Variants in SPRYD3 observed in about 807,000 individuals in gnomAD.
The protein encoded by SPRYD3 is SPRY domain containing 3.
A neutral mutation model predicts 50.1 loss-of-function variants in SPRYD3; 17 were observed. The observed-to-expected ratio is 0.34, with a 90% CI of 0.23 to 0.51. The LOEUF (loss-of-function observed/expected upper bound fraction) is 0.51, where lower values mean the gene tolerates loss of function less well. Among genes scored for constraint, SPRYD3 ranks in the 20% least tolerant of loss-of-function variants. SPRYD3 has a pLI of 0.97. For missense variants in SPRYD3, 401 were observed against 591.2 expected (o/e 0.68, Z 3.34); for synonymous variants, 198 against 215.5 (o/e 0.92, Z 0.71).
chr12:53,068,324 T>G lies in SPRYD3; in HGVS notation c.694-20A>C. 1 of 1,612,918 alleles carries G rather than the reference T, an allele frequency of 6.2e-7. No individual in the cohort carries two copies. Among genetic ancestry groups the G allele is most frequent in the Non-Finnish European group, 8.5e-7 (1 of 1,179,814 alleles). On this transcript the variant is annotated intron_variant, in intron 6 of 10. Transcript: ENST00000301463. ...CAGCAGCTGTGGGGGAAGAGCCAGA[T>G]GGGGGTCAGGGGACAGGCTGACACC...
chr12:53,079,035 G>A (rs1291339607), intron 1 of SPRYD3, among the ~76,000 whole-genome samples: 4 of 152,314 alleles, frequency 2.6e-5, no homozygotes, highest in East Asian at 3.9e-4. Context: ...TGGCACCGGC[G>A]AGTGGCGGCC....
At chr12:53,070,209 G>A (rs535167140) in intron 6 of SPRYD3, among the ~76,000 whole-genome samples, 8 of 152,184 alleles carry the variant, frequency 5.3e-5, no homozygotes, top group South Asian at 4.1e-4. Context: ...CTTGTACAGC[G>A]TGCCCTCTTC....
chr12:53,072,854 C>A (rs1944559095), intron 6 of SPRYD3, among the ~76,000 whole-genome samples: 1 of 152,172 alleles, frequency 6.6e-6, no homozygotes, highest in Non-Finnish European at 1.5e-5. Context: ...AAAAAGATGG[C>A]TAAGAACCTT....
At chr12:53,068,583 G>A (rs912174610) in intron 6 of SPRYD3, among the ~76,000 whole-genome samples, 5 of 152,194 alleles carry the variant, frequency 3.3e-5, no homozygotes, top group Non-Finnish European at 1.5e-5. Flanking sequence ...ACAGCTAGGG[G>A]AGCGGCACAC....
Position 53,065,733 on chromosome 12 carries a change from G to A in SPRYD3, c.*99C>T. On this transcript the variant is annotated 3_prime_UTR_variant, in exon 11 of 11. Transcript: ENST00000301463. ...GGGCAGAGTGACTACACACCTCCAG[G>A]GGCCTGCTGGGTAAACGAAGCCTCT... 1 of 1,297,936 alleles carries A rather than the reference G, an allele frequency of 7.7e-7. No individual in the cohort carries two copies. Among genetic ancestry groups the A allele is most frequent in the Non-Finnish European group, 1.1e-6 (1 of 924,490 alleles). The allele number at this position is 1,297,936 out of a possible 1,614,324, so 80.4% of individuals were successfully genotyped here.
chr12:53,073,993 C>T (rs1010366167), intron 5 of SPRYD3, among the ~76,000 whole-genome samples: 1 of 151,662 alleles, frequency 6.6e-6, no homozygotes, highest in African/African-American at 2.4e-5. Flanking sequence ...AGAAGACAAA[C>T]ACAAGTCTCC....
chr12:53,066,783 C>A (rs953895110), intron 8 of SPRYD3, 91 bp from the exon 9 acceptor site: 1 of 1,462,920 alleles, frequency 6.8e-7, no homozygotes, highest in Non-Finnish European at 9.2e-7. Context: ...CACTTCCCAC[C>A]CCTCAGAGGA....
chr12:53,067,643 T>C lies in SPRYD3; in HGVS notation c.901+5A>G. 2 of 1,613,872 alleles carry C rather than the reference T, an allele frequency of 1.2e-6. No individual in the cohort carries two copies. The highest frequency in any genetic ancestry group is 1.7e-6 in the Non-Finnish European group (2 of 1,179,758). ...CCCACCTTTCCCAGGCAGCCCGCTA[T>C]TCACCTGCATGATAAGCCACAGACC... is the stretch of plus-strand genomic sequence containing the variant. On this transcript the variant is annotated splice_donor_5th_base_variant and intron_variant, in intron 8 of 10. Transcript: ENST00000301463.
In SPRYD3 at chr12:53,068,312, G is replaced by A; in HGVS notation, c.694-8C>T. ...CCCTAAGTACTCCAGCAGCTGTGGG[G>A]GAAGAGCCAGATGGGGGTCAGGGGA... On this transcript the variant is annotated splice_polypyrimidine_tract_variant and splice_region_variant and intron_variant, in intron 6 of 10. Transcript: ENST00000301463. The A allele has an allele frequency of 6.2e-7, 1 of 1,613,510 alleles. No homozygotes were observed.
At chr12:53,066,733 G>A (rs772386445) in intron 8 of SPRYD3, 41 bp from the exon 9 acceptor site, 7 of 1,569,384 alleles carry the variant, frequency 4.5e-6, no homozygotes, top group Admixed American at 1.8e-5. Flanking sequence ...TGAGGAAGGA[G>A]GGCTGACACC....
chr12:53,077,369 C>T, intron 1 of SPRYD3, 108 bp from the exon 2 acceptor site: 3 of 1,160,138 alleles, frequency 2.6e-6, no homozygotes, highest in Non-Finnish European at 3.7e-6. Flanking sequence ...GCCAGCTGCC[C>T]AGATTGACCT....
At position 53,077,197 on chromosome 12, in the gene SPRYD3, G is replaced by A. The variant is rs370737765; in HGVS notation, c.88C>T (p.Arg30Trp). 12 of 1,614,042 alleles carry A rather than the reference G, an allele frequency of 7.4e-6. No homozygotes were observed. Among genetic ancestry groups the A allele is most frequent in the Admixed American group, 1.7e-5 (1 of 60,006 alleles). ...CGGACCTCTCGAATCTCCCGGATCC[G>A]CCGGCGCCAATTCAGAAACCGGTAG... ...LHYRFLNWRR[R>W]IREIREVRAF... Residue 30 changes from arginine to tryptophan, a missense_variant, in exon 2 of 11, where the codon CGG becomes TGG. Physicochemically the swap from Arg to Trp is moderately radical, Grantham distance 101 (BLOSUM62 -3). Coordinates refer to ENST00000301463, the MANE Select transcript of SPRYD3 (RefSeq NM_032840.3).
Position 53,073,298 on chromosome 12 carries a change from T to C in SPRYD3, c.681A>G (p.Arg227=). 1.3e-6 allele frequency: 1 copy of C among 763,970 alleles called. No individual in the cohort carries two copies. Among genetic ancestry groups the C allele is most frequent in the South Asian group, 1.4e-5 (1 of 70,604 alleles). 47.3% of individuals were successfully genotyped at this position (763,970 alleles called of 1,614,324 possible). The part of the protein sequence containing the change: ...EDEWGRLHDV[R]VCGTLLEYLG... Reference sequence around the variant, plus strand: ...ACCCGCTACTTACAGTCCCACAGACTCTGACATCATGTAGCCGGCCCCATT... The same window carrying C: ...ACCCGCTACTTACAGTCCCACAGACCCTGACATCATGTAGCCGGCCCCATT... Residue 227 remains arginine, a synonymous_variant, in exon 6 of 11, where the codon AGA becomes AGG. Transcript: ENST00000301463.
chr12:53,066,362 T>TTCCTCTTCCTCTTCC lies in SPRYD3; in HGVS notation c.1131_1145dup (p.Glu379_Glu383dup), dbSNP rs745418943. On this transcript the variant is annotated inframe_insertion, in exon 10 of 11. Transcript: ENST00000301463. Reference sequence around the variant, plus strand: ...CCGGCTCTATCTCTTCCCCATCCTCTTCCTCTTCCTCTTCCTCCTCTTCCT... The same window carrying TTCCTCTTCCTCTTCC: ...CCGGCTCTATCTCTTCCCCATCCTCTTCCTCTTCCTCTTCCTCCTCTTCCTCTTCCTCCTCTTCCT... 6.2e-7 allele frequency: 1 copy of TTCCTCTTCCTCTTCC among 1,612,822 alleles called. No individual in the cohort carries two copies. The highest frequency in any genetic ancestry group is 8.5e-7 in the Non-Finnish European group (1 of 1,179,028).
At chr12:53,067,419 T>C (rs1009006089) in intron 8 of SPRYD3, among the ~76,000 whole-genome samples, 8 of 152,182 alleles carry the variant, frequency 5.3e-5, no homozygotes, top group African/African-American at 1.7e-4. Context: ...AGGCCTGGAA[T>C]GTCCCATCTG....
chr12:53,074,706 C>T lies in SPRYD3; in HGVS notation c.450G>A (p.Glu150=), dbSNP rs1944575641. The T allele has an allele frequency of 1.2e-6, 2 of 1,614,154 alleles. No homozygotes were observed. The highest frequency in any genetic ancestry group is 1.7e-5 in the Admixed American group (1 of 60,012). The part of the protein sequence containing the change: ...NSGDRIGCGI[E]PVSFDVQTAQ... ...CGGTCTGCACATCAAAGGACACAGG[C>T]TCAATGCCACAGCCAATCCGGTCCC... Residue 150 remains glutamate (E), a synonymous_variant, in exon 5 of 11, where the codon GAG becomes GAA. Coordinates refer to ENST00000301463, the MANE Select transcript of SPRYD3 (RefSeq NM_032840.3). The surrounding 1 kb of genome is among the most constrained non-coding windows in gnomAD (Gnocchi z 4.6).
intron 6 of SPRYD3, among the ~76,000 whole-genome samples, chr12:53,071,148 G>A (rs1445228850): frequency 6.6e-6 from 1 of 152,170 alleles, no homozygotes; most frequent in Non-Finnish European, 1.5e-5. Context: ...TGAGGGCCCA[G>A]AAGCAACTGA....
chr12:53,073,256 G>GGCCCCGGGGGGGGGGGGGGGGCC, intron 6 of SPRYD3, 30 bp downstream of exon 6: 7 of 424,134 alleles, frequency 1.7e-5, no homozygotes, highest in Non-Finnish European at 2.6e-5. Context: ...CTCCGACCCA[G>GGCCCCGGGGGGGGGGGGGGGGCC]CCCCTCCCAC....
intron 6 of SPRYD3, among the ~76,000 whole-genome samples, chr12:53,070,355 T>C (rs1289638979): frequency 6.6e-6 from 1 of 152,162 alleles, no homozygotes; most frequent in Non-Finnish European, 1.5e-5. Context: ...GGGGGAATAT[T>C]TGGCCTCCCT....
Sources: gnomAD v4.1 joint callset for allele counts (sites outside exome capture counted in the v4.1 genomes callset) on GRCh38, gnomAD v4.1.1 for gene constraint, Gnocchi (gnomAD v3.1) non-coding constraint, MANE v1.5 for transcripts, NCBI Gene and HGNC (gene_info 2026-07-23, HGNC 2026-07-21) for gene names.